Variants in DLEU7 observed in about 807,000 individuals in gnomAD.
The protein encoded by DLEU7 is deleted in lymphocytic leukemia 7, also known as leukemia-associated protein 7.
Under a neutral mutation model 16.0 loss-of-function variants are expected in DLEU7, and 17 were observed. The ratio of observed to expected loss-of-function variants is 1.06; its 90% CI spans 0.73 to 1.59. DLEU7 has a LOEUF of 1.59. Ranked by LOEUF, DLEU7 falls within the 40% of genes most tolerant of loss-of-function variation. DLEU7 has a pLI of 0.00. For missense variants in DLEU7, 308 were observed against 314.9 expected (o/e 0.98, Z 0.17); for synonymous variants, 113 against 139.8 (o/e 0.81, Z 1.35).
At chr13:50,732,370 G>A (rs920347868) in intron 1 of DLEU7, among the ~76,000 whole-genome samples, 2 of 152,044 alleles carry the variant, frequency 1.3e-5, no homozygotes, top group Non-Finnish European at 2.9e-5. Context: ...CAGCACTTTG[G>A]GAGGCTGAGG....
At chr13:50,829,034 A>G (rs1034495567) in intron 1 of DLEU7, among the ~76,000 whole-genome samples, 1 of 152,124 alleles carries the variant, frequency 6.6e-6, no homozygotes, top group African/African-American at 2.4e-5. Context: ...GCCCAACACA[A>G]ATTTGTAAAT....
At chr13:50,841,440 AC>A (rs1877656565) in intron 1 of DLEU7, among the ~76,000 whole-genome samples, 1 of 151,950 alleles carries the variant, frequency 6.6e-6, no homozygotes, top group Admixed American at 6.6e-5. Flanking sequence ...TTCCAGGGTC[AC>A]CTTAGGTAAA....
At chr13:50,831,976 G>T (rs1877284859) in intron 1 of DLEU7, among the ~76,000 whole-genome samples, 1 of 152,126 alleles carries the variant, frequency 6.6e-6, no homozygotes, top group Non-Finnish European at 1.5e-5. Flanking sequence ...CCAGGTTTTG[G>T]TATCAGGATG....
upstream of DLEU7, chr13:50,843,719 C>T (rs1164258482): frequency 1.4e-6 from 2 of 1,465,654 alleles, no homozygotes; most frequent in Non-Finnish European, 1.8e-6. This position sits in a 1 kb window ranked among gnomAD's most constrained non-coding sequence, Gnocchi z 5.7. Context: ...GCGTTGGGGT[C>T]GCCAAGGTCA....
intron 1 of DLEU7, among the ~76,000 whole-genome samples, chr13:50,770,279 A>C (rs1015883316): frequency 6.6e-6 from 1 of 152,120 alleles, no homozygotes; most frequent in African/African-American, 2.4e-5. Context: ...CTCTTGCCTG[A>C]TTGCCCTGGC....
intron 1 of DLEU7, among the ~76,000 whole-genome samples, chr13:50,734,452 T>C (rs751793733): frequency 6.6e-6 from 1 of 152,154 alleles, no homozygotes; most frequent in Non-Finnish European, 1.5e-5. Flanking sequence ...TTTTTTGTTA[T>C]TTCCATTCTG....
intron 1 of DLEU7, among the ~76,000 whole-genome samples, chr13:50,728,275 A>C (rs745884863): frequency 1.3e-5 from 2 of 152,226 alleles, no homozygotes; most frequent in African/African-American, 4.8e-5. Context: ...TTTAAAGACA[A>C]ATAAGAAATA....
At chr13:50,733,982 A>C (rs1358304071) in intron 1 of DLEU7, among the ~76,000 whole-genome samples, 1 of 152,088 alleles carries the variant, frequency 6.6e-6, no homozygotes, top group Non-Finnish European at 1.5e-5. Context: ...GTATTACCGC[A>C]CTCTCTGGCT....
At chr13:50,738,504 G>A (rs1354689635) in intron 1 of DLEU7, among the ~76,000 whole-genome samples, 1 of 152,050 alleles carries the variant, frequency 6.6e-6, no homozygotes, top group Non-Finnish European at 1.5e-5. Flanking sequence ...TGCACCCAGG[G>A]TAGGCCCTCC....
rs556761618 is a variant in DLEU7, at chr13:50,806,976, C to CAAAAA, written c.459+36207_459+36211dup. Among the ~76,000 whole-genome samples, 196 of 54,122 alleles carry CAAAAA rather than the reference C, an allele frequency of 3.6e-3. 2 individuals are homozygous for CAAAAA. Among genetic ancestry groups the CAAAAA allele is most frequent in the African/African-American group, 0.011 (154 of 14,322 alleles). 35.5% of individuals were successfully genotyped at this position (54,122 alleles called of 152,430 possible). ...TGGGTGACAGAGCTAGACTCCCTCT[C>CAAAAA]AAAAAAAAAAAAAAAAAAAAAAGTC... is the stretch of plus-strand genomic sequence containing the variant. On this transcript the variant is annotated intron_variant, in intron 1 of 1. Transcript: ENST00000400393.
intron 1 of DLEU7, among the ~76,000 whole-genome samples, chr13:50,787,452 T>C (rs575208729): frequency 2.0e-5 from 3 of 152,258 alleles, no homozygotes; most frequent in Admixed American, 1.3e-4. Flanking sequence ...CCAGCATGTG[T>C]TGGGGGCAGG....
intron 1 of DLEU7, among the ~76,000 whole-genome samples, chr13:50,780,447 T>C (rs1875621411): frequency 6.6e-6 from 1 of 152,226 alleles, no homozygotes; most frequent in South Asian, 2.1e-4. Flanking sequence ...GTTTGCAGAC[T>C]TCTGAAAACA....
chr13:50,734,777 G>A (rs1282376695), intron 1 of DLEU7, among the ~76,000 whole-genome samples: 1 of 151,876 alleles, frequency 6.6e-6, no homozygotes, highest in Non-Finnish European at 1.5e-5. Flanking sequence ...AAAATAATAG[G>A]GTAGAAAAGT....
At chr13:50,749,176 AAT>A in intron 1 of DLEU7, among the ~76,000 whole-genome samples, 1 of 152,240 alleles carries the variant, frequency 6.6e-6, no homozygotes, top group East Asian at 1.9e-4. Flanking sequence ...TACTTAGAAT[AAT>A]AGTCTCCAAT....
At chr13:50,736,664 A>G (rs1593534424) in intron 1 of DLEU7, among the ~76,000 whole-genome samples, 1 of 152,294 alleles carries the variant, frequency 6.6e-6, no homozygotes, top group East Asian at 1.9e-4. Context: ...GAAAAACACA[A>G]TAATTTCAAA....
At chr13:50,749,195 T>C (rs936169960) in intron 1 of DLEU7, among the ~76,000 whole-genome samples, 1 of 152,136 alleles carries the variant, frequency 6.6e-6, no homozygotes, top group Non-Finnish European at 1.5e-5. Flanking sequence ...CAATCTCACC[T>C]AGGTATCTGC....
chr13:50,837,234 T>G (rs1877501735), intron 1 of DLEU7, among the ~76,000 whole-genome samples: 2 of 152,176 alleles, frequency 1.3e-5, no homozygotes, highest in South Asian at 4.1e-4. Flanking sequence ...CAGCTGAAAA[T>G]CCAGTGAAAA....
Position 50,843,464 on chromosome 13 carries a change from CGGCCGGGCCCGCGGCGGGCCTG to C in DLEU7, c.161_182del (p.Ser54TrpfsTer30). The C allele has an allele frequency of 7.5e-7, 1 of 1,326,262 alleles. No homozygotes were observed. Among genetic ancestry groups the C allele is most frequent in the African/African-American group, 1.5e-5 (1 of 64,656 alleles). 82.2% of individuals were successfully genotyped at this position (1,326,262 alleles called of 1,614,324 possible). A position where few individuals can be genotyped will look rare whatever the true frequency, so the allele number is the denominator to read the frequency against. On this transcript the variant is annotated frameshift_variant, in exon 1 of 2. Transcript: ENST00000504404. LOFTEE classifies it high-confidence loss of function. This position sits in a 1 kb window ranked among gnomAD's most constrained non-coding sequence, Gnocchi z 5.7. ...CGCCCCGCTCCTCGCGCCCGGGCCC[CGGCCGGGCCCGCGGCGGGCCTG>C]AGCGACGGGCTGGAGCGGTGGACAC...
At chr13:50,833,270 A>C (rs1428557641) in intron 1 of DLEU7, among the ~76,000 whole-genome samples, 3 of 152,256 alleles carry the variant, frequency 2.0e-5, no homozygotes, top group African/African-American at 7.2e-5. Flanking sequence ...CTCTGTTTGC[A>C]GATGACATGA....
Sources: allele counts gnomAD v4.1 joint callset (sites outside exome capture counted in the v4.1 genomes callset), GRCh38; gene constraint gnomAD v4.1.1; non-coding constraint Gnocchi (gnomAD v3.1); transcripts MANE v1.5; gene names NCBI Gene and HGNC (gene_info 2026-07-23, HGNC 2026-07-21).